KCNT2: variants seen among roughly 807,000 people sequenced by gnomAD.
KCNT2 encodes potassium channel subfamily T member 2.
KCNT2 carries 67 observed loss-of-function variants against 153.8 expected under a neutral mutation model. The ratio of observed to expected loss-of-function variants is 0.44; its 90% CI spans 0.36 to 0.53. The LOEUF (loss-of-function observed/expected upper bound fraction) is 0.53, where lower values mean the gene tolerates loss of function less well. KCNT2 is among the 20% of genes least tolerant of loss of function. The pLI is 0.00. For missense variants in KCNT2, 975 were observed against 1,354.8 expected (o/e 0.72, Z 4.40); for synonymous variants, 500 against 458.8 (o/e 1.09, Z -1.15).
chr1:196,476,622 C>T (rs563338921), intron 5 of KCNT2, among the ~76,000 whole-genome samples: 7 of 152,124 alleles, frequency 4.6e-5, no homozygotes, highest in East Asian at 1.9e-4. Context: ...TATTGATCCA[C>T]GACTTTCCAC....
rs1665513494 is a variant in KCNT2 at position 196,340,511 on chromosome 1, G to A, written c.1613C>T (p.Pro538Leu). ...AGAATTCATAATGTATCGAGGACCT[G>A]GATTCAGCAAAATGTTTTTATTATC... is the stretch of plus-strand genomic sequence containing the variant. ...REDNKNILLN[P>L]GPRYIMNSTD... Residue 538 changes from proline (P) to leucine (L), a missense_variant, in exon 16 of 28, where the codon CCA becomes CTA. Physicochemically the swap from Pro to Leu is moderately conservative, Grantham distance 98 (BLOSUM62 -3). Coordinates refer to ENST00000294725, the MANE Select transcript of KCNT2 (RefSeq NM_198503.5). The A allele has an allele frequency of 6.2e-7, 1 of 1,611,056 alleles. No individual in the cohort carries two copies. Among genetic ancestry groups the A allele is most frequent in the South Asian group, 1.1e-5 (1 of 90,808 alleles).
In KCNT2 at chr1:196,225,870, C is replaced by T. The variant is rs568456820; in HGVS notation, c.*2354G>A. 2.6e-5 allele frequency: 4 copies of T among 152,054 alleles called. No homozygotes were observed. The East Asian group carries it at 5.8e-4, about 22-fold the overall frequency. The allele number at this position is 152,054 out of a possible 1,614,324, so 9.4% of individuals were successfully genotyped here. A position where few individuals can be genotyped will look rare whatever the true frequency, so the allele number is the denominator to read the frequency against. The stretch of plus-strand genomic sequence containing the variant: ...GTACAGACAATAAACAGAATCAATT[C>T]CCATTGGGCTACAAGGACTATTATT... On this transcript the variant is annotated 3_prime_UTR_variant, in exon 28 of 28. Transcript: ENST00000294725.
chr1:196,492,225 T>C (rs1679910668), intron 2 of KCNT2, 37 bp downstream of exon 2: 1 of 1,372,128 alleles, frequency 7.3e-7, no homozygotes, highest in Middle Eastern at 1.9e-4. Context: ...GAAGTAAATA[T>C]ATGTACGAAC....
At chr1:196,346,653 C>T (rs1666168109) in intron 14 of KCNT2, among the ~76,000 whole-genome samples, 1 of 152,008 alleles carries the variant, frequency 6.6e-6, no homozygotes, top group Non-Finnish European at 1.5e-5. Context: ...ATAAAATCAG[C>T]TTATCTATTT....
rs1558100091 is a variant in KCNT2 at position 196,284,251 on chromosome 1, AT to A, written c.2697+1405del. On this transcript the variant is annotated intron_variant, in intron 23 of 27. Transcript: ENST00000294725. ...GTCTTAAAAAAAAAAAAAAAAAAAT[AT>A]ATATATATATATATATATATATATA... Among the ~76,000 whole-genome samples the A allele has an allele frequency of 1.1e-3, 53 of 48,448 alleles. 3 individuals carry two copies. Among genetic ancestry groups the A allele is most frequent in the Non-Finnish European group, 1.3e-3 (23 of 17,668 alleles). The allele number at this position is 48,448 out of a possible 152,430, so 31.8% of individuals were successfully genotyped here.
At chr1:196,348,507 A>T (rs891333675) in intron 14 of KCNT2, among the ~76,000 whole-genome samples, 28 of 152,150 alleles carry the variant, frequency 1.8e-4, no homozygotes, top group Admixed American at 1.6e-3. Context: ...TATCTACTTC[A>T]TACTCTTGTG....
At chr1:196,532,324 T>C (rs779559485) in intron 1 of KCNT2, among the ~76,000 whole-genome samples, 5 of 152,020 alleles carry the variant, frequency 3.3e-5, no homozygotes, top group Non-Finnish European at 7.4e-5. Context: ...AATTTCCATG[T>C]AATTTATTTG....
At chr1:196,440,202 C>A (rs771633099) in intron 8 of KCNT2, among the ~76,000 whole-genome samples, 1 of 151,716 alleles carries the variant, frequency 6.6e-6, no homozygotes, top group Non-Finnish European at 1.5e-5. Flanking sequence ...ATGATTTTAT[C>A]CTGGCAATTT....
At chr1:196,282,666 A>C (rs1012824454) in intron 23 of KCNT2, among the ~76,000 whole-genome samples, 1 of 152,252 alleles carries the variant, frequency 6.6e-6, no homozygotes, top group Non-Finnish European at 1.5e-5. Context: ...AAAAACCCCA[A>C]ATGAAATGAT....
chr1:196,497,684 T>C (rs868462027), intron 1 of KCNT2, among the ~76,000 whole-genome samples: 2 of 152,250 alleles, frequency 1.3e-5, no homozygotes, highest in African/African-American at 4.8e-5. Context: ...TGGATGGGTA[T>C]TGATTGTTAT....
intron 14 of KCNT2, among the ~76,000 whole-genome samples, chr1:196,367,678 T>C (rs917139881): frequency 1.3e-5 from 2 of 152,168 alleles, no homozygotes; most frequent in Non-Finnish European, 2.9e-5. Context: ...TGTGACAAAA[T>C]GACAGAAACT....
At chr1:196,259,403 A>G (rs1289429269) in intron 25 of KCNT2, among the ~76,000 whole-genome samples, 1 of 152,126 alleles carries the variant, frequency 6.6e-6, no homozygotes, top group African/African-American at 2.4e-5. Context: ...AACACTGATC[A>G]AAGAAGAAAG....
At chr1:196,494,887 C>A (rs544326302) in intron 1 of KCNT2, among the ~76,000 whole-genome samples, 1 of 151,994 alleles carries the variant, frequency 6.6e-6, no homozygotes, top group South Asian at 2.1e-4. Flanking sequence ...TGAGAATTAT[C>A]CAACTTTGAA....
Position 196,425,895 on chromosome 1 carries a change from G to A in KCNT2, c.1078C>T (p.Leu360Phe). ...TGATCTTTAAGGGCTGAACCTTGAA[G>A]GTAGATAACTCGTTGGGACCACATT... ...IPMWSQRVIY[L>F]QGSALKDQDL... Residue 360 changes from leucine to phenylalanine, a missense_variant, in exon 11 of 28, where the codon CTT (leucine) becomes TTT (phenylalanine). Around this residue, in one of 6 missense-constraint regions of KCNT2, gnomAD observed 202 missense variants for 314.9 expected, o/e 0.64. Coordinates refer to ENST00000294725, the MANE Select transcript of KCNT2 (RefSeq NM_198503.5). The A allele has an allele frequency of 1.2e-6, 2 of 1,612,428 alleles. No homozygotes were observed. Among genetic ancestry groups the A allele is most frequent in the Non-Finnish European group, 1.7e-6 (2 of 1,178,946 alleles).
intron 6 of KCNT2, among the ~76,000 whole-genome samples, chr1:196,468,698 A>G (rs1677823706): frequency 6.6e-6 from 1 of 152,114 alleles, no homozygotes; most frequent in Non-Finnish European, 1.5e-5. Flanking sequence ...AATATAAACA[A>G]TAAGTGGATA....
intron 12 of KCNT2, among the ~76,000 whole-genome samples, chr1:196,416,039 A>C (rs2148498985): frequency 6.6e-6 from 1 of 152,140 alleles, no homozygotes; most frequent in East Asian, 1.9e-4. Flanking sequence ...ATGCCATTCT[A>C]AGTAGCATAA....
At chr1:196,454,101 T>G (rs1176088809) in intron 8 of KCNT2, among the ~76,000 whole-genome samples, 1 of 152,004 alleles carries the variant, frequency 6.6e-6, no homozygotes, top group Non-Finnish European at 1.5e-5. Flanking sequence ...GAAGTGGGTA[T>G]AGGATTCTTG....
rs979217612 is a variant in KCNT2, at chr1:196,498,319, G to T, written c.96-5978C>A. ...TGCCAGTGCCTTGATACCTATTTAG[G>T]ATATCAAACTTTTGTGGATAGTCTC... On this transcript the variant is annotated intron_variant, in intron 1 of 27. Transcript: ENST00000294725. Among the ~76,000 whole-genome samples the T allele has an allele frequency of 2.0e-5, 3 of 152,008 alleles. No homozygotes were observed. In the East Asian group the frequency reaches 5.8e-4, roughly 29 times the overall value.
chr1:196,314,588 A>G (rs1027802496), intron 21 of KCNT2, among the ~76,000 whole-genome samples: 1 of 150,402 alleles, frequency 6.6e-6, no homozygotes, highest in African/African-American at 2.4e-5. Context: ...TAGATTTTCC[A>G]GGTGCTATGA....
Sources: allele counts gnomAD v4.1 joint callset (sites outside exome capture counted in the v4.1 genomes callset), GRCh38; gene constraint gnomAD v4.1.1; regional missense constraint gnomAD v4.1.1; transcripts MANE v1.5; gene names NCBI Gene and HGNC (gene_info 2026-07-23, HGNC 2026-07-21).